Variants in RSPO3 observed in about 807,000 individuals in gnomAD.
The protein encoded by RSPO3 is R-spondin 3.
RSPO3 carries 17 observed loss-of-function variants against 36.5 expected under a neutral mutation model. The ratio of observed to expected loss-of-function variants is 0.47; its 90% CI spans 0.32 to 0.70. The LOEUF (loss-of-function observed/expected upper bound fraction) is 0.70. Ranked by LOEUF, RSPO3 falls within the 30% of genes least tolerant of loss-of-function variation. The pLI, the probability that RSPO3 is intolerant of heterozygous loss-of-function variation, is 0.04. For synonymous variants in RSPO3, 108 were observed against 107.0 expected, an observed-to-expected ratio of 1.01 and a Z score of -0.06; for missense variants, 294 against 322.5, an observed-to-expected ratio of 0.91 and a Z score of 0.68.
intron 1 of RSPO3, among the ~76,000 whole-genome samples, chr6:127,137,635 T>C (rs1774186357): frequency 6.6e-6 from 1 of 152,144 alleles, no homozygotes; most frequent in African/African-American, 2.4e-5. Flanking sequence ...ATTCCATAGG[T>C]AAATTCACCA....
At chr6:127,120,426 G>C (rs1049307784) in intron 1 of RSPO3, among the ~76,000 whole-genome samples, 2 of 152,190 alleles carry the variant, frequency 1.3e-5, no homozygotes, top group African/African-American at 4.8e-5. Context: ...GGCAGGAAGC[G>C]ATGCTGCTGC....
At chr6:127,147,415 G>A (rs1222695076) in intron 1 of RSPO3, among the ~76,000 whole-genome samples, 1 of 152,124 alleles carries the variant, frequency 6.6e-6, no homozygotes, top group Non-Finnish European at 1.5e-5. Flanking sequence ...ACACTGGGAT[G>A]CCTTTAGATT....
rs1774228929 is a variant in RSPO3 at position 127,139,593 on chromosome 6, T to A, written c.98-9055T>A. On this transcript the variant is annotated intron_variant, in intron 1 of 4. Transcript: ENST00000356698. Reference sequence around the variant, plus strand: ...AATATTTCTAACCTTAAAAAAAAATTTCTAATTATTTCTAACCTTAAAAAA... The same window carrying A: ...AATATTTCTAACCTTAAAAAAAAATATCTAATTATTTCTAACCTTAAAAAA... 2.0e-5 allele frequency among the ~76,000 whole-genome samples: 3 copies of A among 152,214 alleles called. No individual in the cohort carries two copies. In the East Asian group the frequency reaches 5.8e-4, roughly 29 times the overall value.
intron 3 of RSPO3, 79 bp downstream of exon 3, chr6:127,150,651 A>G: frequency 1.5e-6 from 2 of 1,367,170 alleles, no homozygotes; most frequent in African/African-American, 1.5e-5. Context: ...CTTTGCCAAA[A>G]GAACTTGAAG....
At chr6:127,131,371 C>T (rs1774051944) in intron 1 of RSPO3, among the ~76,000 whole-genome samples, 1 of 152,130 alleles carries the variant, frequency 6.6e-6, no homozygotes, top group South Asian at 2.1e-4. Flanking sequence ...TCATTTTAAA[C>T]TGTTTGCCTC....
intron 1 of RSPO3, among the ~76,000 whole-genome samples, chr6:127,124,856 G>A (rs1773910231): frequency 6.6e-6 from 1 of 151,860 alleles, no homozygotes; most frequent in African/African-American, 2.4e-5. Context: ...AAAAGAATGG[G>A]GTGTTCCATT....
At chr6:127,168,570 T>C (rs1279692487) in intron 4 of RSPO3, among the ~76,000 whole-genome samples, 6 of 152,160 alleles carry the variant, frequency 3.9e-5, no homozygotes, top group East Asian at 1.9e-4. Context: ...CTGATGGTAG[T>C]TTCTTTTGCT....
intron 4 of RSPO3, among the ~76,000 whole-genome samples, chr6:127,168,632 G>C (rs1774874218): frequency 6.6e-6 from 1 of 151,994 alleles, no homozygotes; most frequent in South Asian, 2.1e-4. Flanking sequence ...TTTGGGGTTT[G>C]TTGCCATTGC....
At chr6:127,143,755 T>C (rs968571515) in intron 1 of RSPO3, among the ~76,000 whole-genome samples, 3 of 152,214 alleles carry the variant, frequency 2.0e-5, no homozygotes, top group African/African-American at 7.2e-5. Context: ...AACTGAGCTT[T>C]AGAAGTGAAT....
intron 1 of RSPO3, among the ~76,000 whole-genome samples, chr6:127,122,642 A>G (rs1478186245): frequency 6.6e-6 from 1 of 152,250 alleles, no homozygotes; most frequent in African/African-American, 2.4e-5. Context: ...TTCTGGTCAT[A>G]GAGAAGATAT....
At chr6:127,138,942 C>T (rs1407818081) in intron 1 of RSPO3, among the ~76,000 whole-genome samples, 2 of 152,160 alleles carry the variant, frequency 1.3e-5, no homozygotes, top group Non-Finnish European at 2.9e-5. Context: ...TTCACCCTGT[C>T]CCTGTGCTCT....
Position 127,172,946 on chromosome 6 carries a change from A to G in RSPO3, c.634+17508A>G, listed in dbSNP as rs138684734. Among the ~76,000 whole-genome samples, 1,369 of 151,862 alleles carry G rather than the reference A, an allele frequency of 9.0e-3. 7 individuals carry two copies. Among genetic ancestry groups the G allele is most frequent in the Non-Finnish European group, 0.015 (1,048 of 67,806 alleles). ...CCTTAAGAATGTCAGTTAATAAGCAAGTTAGTCAGTACTAGAACCTAAATC... is the reference window on the plus strand; with the variant it reads ...CCTTAAGAATGTCAGTTAATAAGCAGGTTAGTCAGTACTAGAACCTAAATC... On this transcript the variant is annotated intron_variant, in intron 4 of 4. Coordinates refer to ENST00000356698, the MANE Select transcript of RSPO3 (RefSeq NM_032784.5).
intron 4 of RSPO3, among the ~76,000 whole-genome samples, chr6:127,188,554 A>T (rs927305529): frequency 6.6e-6 from 1 of 151,872 alleles, no homozygotes; most frequent in East Asian, 1.9e-4. Flanking sequence ...AATTATTTCT[A>T]AATTAGATAT....
At chr6:127,190,163 C>T (rs1315470060) in intron 4 of RSPO3, among the ~76,000 whole-genome samples, 1 of 152,142 alleles carries the variant, frequency 6.6e-6, no homozygotes, top group African/African-American at 2.4e-5. Flanking sequence ...GTGGCTCACA[C>T]CTGTAATCCC....
intron 4 of RSPO3, among the ~76,000 whole-genome samples, chr6:127,171,727 T>C (rs1454709246): frequency 6.6e-6 from 1 of 151,698 alleles, no homozygotes; most frequent in Non-Finnish European, 1.5e-5. Flanking sequence ...CTCTTTTTGA[T>C]TGCTAAATAC....
intron 4 of RSPO3, among the ~76,000 whole-genome samples, chr6:127,182,743 A>T (rs1775214031): frequency 6.6e-6 from 1 of 151,936 alleles, no homozygotes; most frequent in Admixed American, 6.6e-5. Flanking sequence ...AATTCAATGG[A>T]TTACAACAAA....
intron 4 of RSPO3, among the ~76,000 whole-genome samples, chr6:127,169,952 C>A (rs1385757597): frequency 6.6e-6 from 1 of 151,804 alleles, no homozygotes; most frequent in Non-Finnish European, 1.5e-5. Context: ...AGTCTCCCTT[C>A]AATAAAATGG....
rs56388820 is a variant in RSPO3 at position 127,144,643 on chromosome 6, G to GTTTTTTTTTTTTTTTTTTT, written c.98-3992_98-3991insTTTTTTTTTTTTTTTTTTT. On this transcript the variant is annotated intron_variant, in intron 1 of 4. Transcript: ENST00000356698. ...TGTAATTTTTCAGTAGCTTCCCCTT[G>GTTTTTTTTTTTTTTTTTTT]TTTTTTTTTTTTTCAGACAGAGTCT... is the stretch of plus-strand genomic sequence containing the variant. Among the ~76,000 whole-genome samples, 756 of 99,032 alleles carry GTTTTTTTTTTTTTTTTTTT rather than the reference G, an allele frequency of 7.6e-3. 135 individuals are homozygous for GTTTTTTTTTTTTTTTTTTT. Among genetic ancestry groups the GTTTTTTTTTTTTTTTTTTT allele is most frequent in the African/African-American group, 0.015 (361 of 24,058 alleles). The allele number at this position is 99,032 out of a possible 152,430, so 65.0% of individuals were successfully genotyped here.
chr6:127,148,962 G>C, intron 2 of RSPO3, 123 bp downstream of exon 2: 1 of 788,050 alleles, frequency 1.3e-6, no homozygotes, highest in Non-Finnish European at 1.9e-6. Flanking sequence ...CTGATAATTA[G>C]GCTAAACCAT....
Sources: gnomAD v4.1 joint callset for allele counts (sites outside exome capture counted in the v4.1 genomes callset) on GRCh38, gnomAD v4.1.1 for gene constraint, MANE v1.5 for transcripts, NCBI Gene and HGNC (gene_info 2026-07-23, HGNC 2026-07-21) for gene names.